Variants in DTL observed in about 807,000 individuals in gnomAD.
DTL encodes the protein denticleless protein homolog.
DTL carries 46 observed loss-of-function variants against 87.0 expected under a neutral mutation model. The observed-to-expected ratio is 0.53, with a 90% CI of 0.42 to 0.68. The LOEUF (loss-of-function observed/expected upper bound fraction) is 0.68, where lower values mean the gene tolerates loss of function less well. DTL is among the 30% of genes least tolerant of loss of function. The pLI is 0.00. For missense variants in DTL, 737 were observed against 869.4 expected, an observed-to-expected ratio of 0.85 and a Z score of 1.91; for synonymous variants, 308 against 311.2, an observed-to-expected ratio of 0.99 and a Z score of 0.11.
intron 1 of DTL, among the ~76,000 whole-genome samples, chr1:212,039,402 T>A (rs1667575198): frequency 6.6e-6 from 1 of 152,206 alleles, no homozygotes; most frequent in South Asian, 2.1e-4. Flanking sequence ...CCCAAAAGTT[T>A]TTATTCTTTG....
chr1:212,037,858 C>T (rs1237249742), intron 1 of DTL, among the ~76,000 whole-genome samples: 1 of 152,228 alleles, frequency 6.6e-6, no homozygotes. Flanking sequence ...AATATGGCAG[C>T]TCACTGAGCC....
intron 5 of DTL, among the ~76,000 whole-genome samples, chr1:212,050,334 T>C (rs1367219770): frequency 6.6e-6 from 1 of 152,200 alleles, no homozygotes; most frequent in East Asian, 1.9e-4. Flanking sequence ...TAACTGGACA[T>C]AGTCACACTA....
At chr1:212,072,722 A>T (rs1334984482) in intron 11 of DTL, among the ~76,000 whole-genome samples, 1 of 150,928 alleles carries the variant, frequency 6.6e-6, no homozygotes, top group Non-Finnish European at 1.5e-5. Flanking sequence ...TGGCTGCTTT[A>T]TCAGATTTTT....
intron 5 of DTL, 27 bp from the exon 6 acceptor site, chr1:212,062,857 C>T (rs776030161): frequency 1.2e-6 from 2 of 1,600,096 alleles, no homozygotes; most frequent in Admixed American, 3.3e-5. Context: ...TTGTTAACCT[C>T]TTAATAATCT....
intron 5 of DTL, among the ~76,000 whole-genome samples, chr1:212,058,780 A>G (rs1668252953): frequency 6.6e-6 from 1 of 152,146 alleles, no homozygotes; most frequent in South Asian, 2.1e-4. Context: ...AACAAAATCA[A>G]TAAGGTACTT....
At chr1:212,072,398 C>T (rs999833506) in intron 11 of DTL, among the ~76,000 whole-genome samples, 185 bp downstream of exon 11, 4 of 152,200 alleles carry the variant, frequency 2.6e-5, no homozygotes, top group African/African-American at 9.7e-5. Flanking sequence ...ATGTATGACA[C>T]TTTCAGGGCC....
chr1:212,047,494 C>T, intron 5 of DTL, 77 bp downstream of exon 5: 17 of 1,552,744 alleles, frequency 1.1e-5, no homozygotes, highest in Non-Finnish European at 1.5e-5. Context: ...ATTGTTTCTA[C>T]CCTTTCCCCT....
chr1:212,043,255 C>A, intron 2 of DTL, 137 bp downstream of exon 2: 3 of 800,828 alleles, frequency 3.7e-6, no homozygotes, highest in Non-Finnish European at 5.7e-6. Context: ...AAACTGTTAT[C>A]TTCTGATTTA....
intron 13 of DTL, among the ~76,000 whole-genome samples, chr1:212,085,617 C>T (rs551681787): frequency 6.6e-6 from 1 of 152,224 alleles, no homozygotes; most frequent in East Asian, 1.9e-4. Context: ...GATGGTGTCT[C>T]TTGACACATG....
chr1:212,084,441 C>A (rs1655072925), intron 13 of DTL, among the ~76,000 whole-genome samples: 1 of 152,102 alleles, frequency 6.6e-6, no homozygotes, highest in Non-Finnish European at 1.5e-5. Context: ...CCGCCTCAGC[C>A]TCCCAAAGTG....
intron 13 of DTL, among the ~76,000 whole-genome samples, chr1:212,091,751 G>C (rs1219141004): frequency 6.6e-6 from 1 of 152,228 alleles, no homozygotes; most frequent in African/African-American, 2.4e-5. Context: ...CATAGGAGCA[G>C]AGAGTAGAAT....
Position 212,100,892 on chromosome 1 carries a change from A to T in DTL, c.1902A>T (p.Gly634=), listed in dbSNP as rs1347816407. The T allele has an allele frequency of 2.5e-6, 4 of 1,614,186 alleles. No individual in the cohort carries two copies. The highest frequency in any genetic ancestry group is 3.4e-6 in the Non-Finnish European group (4 of 1,180,022). The stretch of plus-strand genomic sequence containing the variant: ...GTCCGTATGCTTCAGAAAGCTGTGG[A>T]ACGCTACCTCTTCCTTTGAGACCTT... The part of the protein sequence containing the change: ...PISPYASESC[G]TLPLPLRPCG... The change falls in exon 14 of 15, where the codon GGA becomes GGT. Residue 634 remains glycine, a synonymous_variant. Transcript: ENST00000366991.
chr1:212,077,577 G>A (rs1654867162), intron 11 of DTL: 1 of 153,176 alleles, frequency 6.5e-6, no homozygotes, highest in African/African-American at 2.4e-5. Flanking sequence ...AACTCAAAAT[G>A]AAGGAGTATA....
chr1:212,047,344 T>G lies in DTL; in HGVS notation c.387T>G (p.Ala129=). 1 of 1,614,196 alleles carries G rather than the reference T, an allele frequency of 6.2e-7. No homozygotes were observed. The highest frequency in any genetic ancestry group is 1.7e-5 in the Admixed American group (1 of 60,022). The change falls in exon 5 of 15, where the codon GCT becomes GCG. Residue 129 remains alanine (A), a synonymous_variant. Coordinates refer to ENST00000366991, the MANE Select transcript of DTL (RefSeq NM_016448.4). ...DQTAKFWDVK[A]GELIGTCKGH... ...CAGCCAAATTTTGGGACGTAAAAGC[T>G]GGTGAGCTGATTGGAACATGCAAAG...
At position 212,080,760 on chromosome 1, in the gene DTL, T is replaced by G; in HGVS notation, c.1261+10T>G. 1.2e-6 allele frequency: 2 copies of G among 1,612,056 alleles called. No homozygotes were observed. The highest frequency in any genetic ancestry group is 1.7e-6 in the Non-Finnish European group (2 of 1,179,002). On this transcript the variant is annotated intron_variant, in intron 13 of 14. Transcript: ENST00000366991. Reference sequence around the variant, plus strand: ...TCAAGACCTGGCCTAGGTAAGGATATCATATACTTTCCAAGTTTTTTATGG... The same window carrying G: ...TCAAGACCTGGCCTAGGTAAGGATAGCATATACTTTCCAAGTTTTTTATGG...
chr1:212,044,627 C>CTT, intron 2 of DTL, 33 bp from the exon 3 acceptor site: 1 of 1,226,620 alleles, frequency 8.2e-7, no homozygotes, highest in Middle Eastern at 2.0e-4. Context: ...AATTGTGTTA[C>CTT]TCTATATATT....
At chr1:212,090,593 A>G (rs776157651) in intron 13 of DTL, among the ~76,000 whole-genome samples, 14 of 152,220 alleles carry the variant, frequency 9.2e-5, no homozygotes, top group Admixed American at 3.3e-4. Flanking sequence ...GGGAAGAAGC[A>G]TGAAGTTCAT....
At position 212,047,351 on chromosome 1, in the gene DTL, C is replaced by G; in HGVS notation, c.394C>G (p.Leu132Val). ...ATTTTGGGACGTAAAAGCTGGTGAG[C>G]TGATTGGAACATGCAAAGGTCATCA... Reference protein sequence around the residue: ...AKFWDVKAGELIGTCKGHQCS... With the variant: ...AKFWDVKAGEVIGTCKGHQCS... Residue 132 changes from leucine (L) to valine (V), a missense_variant, in exon 5 of 15, where the codon CTG becomes GTG. Coordinates refer to ENST00000366991, the MANE Select transcript of DTL (RefSeq NM_016448.4). The G allele has an allele frequency of 1.2e-6, 2 of 1,614,152 alleles. No homozygotes were observed. Among genetic ancestry groups the G allele is most frequent in the Non-Finnish European group, 8.5e-7 (1 of 1,180,030 alleles).
intron 5 of DTL, among the ~76,000 whole-genome samples, chr1:212,048,216 C>T (rs374044634): frequency 2.0e-5 from 3 of 151,822 alleles, no homozygotes; most frequent in East Asian, 1.9e-4. Flanking sequence ...TTTTTTGAGA[C>T]GGAGTCTCTG....
Sources: allele counts gnomAD v4.1 joint callset (sites outside exome capture counted in the v4.1 genomes callset), GRCh38; gene constraint gnomAD v4.1.1; transcripts MANE v1.5; gene names NCBI Gene and HGNC (gene_info 2026-07-23, HGNC 2026-07-21).